SH3BGRL2: variants seen among roughly 807,000 people sequenced by gnomAD.
SH3BGRL2 encodes SH3 domain-binding glutamic acid-rich-like protein 2.
SH3BGRL2 carries 21 observed loss-of-function variants against 14.8 expected under a neutral mutation model. The ratio of observed to expected loss-of-function variants is 1.42; its 90% CI spans 1.01 to 2.05. SH3BGRL2 has a LOEUF of 2.05. SH3BGRL2 is among the 30% of genes most tolerant of loss of function. The pLI, the probability that SH3BGRL2 is intolerant of heterozygous loss-of-function variation, is 0.00. For missense variants in SH3BGRL2, 147 were observed against 130.8 expected (o/e 1.12, Z -0.61); for synonymous variants, 50 against 47.8 (o/e 1.05, Z -0.19).
At chr6:79,658,807 G>C (rs907900396) in intron 1 of SH3BGRL2, among the ~76,000 whole-genome samples, 2 of 152,156 alleles carry the variant, frequency 1.3e-5, no homozygotes, top group Non-Finnish European at 2.9e-5. Context: ...AGCATCAGTT[G>C]TTTCCTGACT....
chr6:79,604,504 CAGT>C, the SH3BGRL2 span, among the ~76,000 whole-genome samples: 3 of 152,196 alleles, frequency 2.0e-5, no homozygotes, highest in African/African-American at 4.8e-5. Flanking sequence ...GCTCAGGAAA[CAGT>C]GGTGGTTTCA....
the SH3BGRL2 span, among the ~76,000 whole-genome samples, chr6:79,587,707 A>G: frequency 2.0e-5 from 3 of 152,160 alleles, no homozygotes; most frequent in Non-Finnish European, 4.4e-5. Flanking sequence ...AAACTGACAA[A>G]AGATAAATTA....
the SH3BGRL2 span, among the ~76,000 whole-genome samples, chr6:79,573,169 T>C: frequency 5.9e-5 from 9 of 152,334 alleles, no homozygotes; most frequent in East Asian, 1.5e-3. Flanking sequence ...GCAGATTTTG[T>C]ACATCATGTG....
intron 2 of SH3BGRL2, among the ~76,000 whole-genome samples, chr6:79,678,876 T>C (rs1256937133): frequency 6.6e-6 from 1 of 152,186 alleles, no homozygotes; most frequent in Non-Finnish European, 1.5e-5. Context: ...AGCATTTGGT[T>C]TTCTGTTCCT....
chr6:79,696,456 G>T, intron 2 of SH3BGRL2, 29 bp from the exon 3 acceptor site: 2 of 1,484,998 alleles, frequency 1.3e-6, no homozygotes, highest in Admixed American at 2.2e-5. Flanking sequence ...GCTTTTGTTG[G>T]TTTATTTTCT....
At chr6:79,576,923 C>T in the SH3BGRL2 span, among the ~76,000 whole-genome samples, 4 of 152,146 alleles carry the variant, frequency 2.6e-5, no homozygotes, top group African/African-American at 9.7e-5. Flanking sequence ...AACGTTTTTA[C>T]GAATCATCCA....
At chr6:79,685,077 T>C (rs942634468) in intron 2 of SH3BGRL2, among the ~76,000 whole-genome samples, 2 of 152,236 alleles carry the variant, frequency 1.3e-5, no homozygotes, top group Non-Finnish European at 2.9e-5. Context: ...TTTATTCTTC[T>C]GTCTATAAAT....
intron 1 of SH3BGRL2, among the ~76,000 whole-genome samples, chr6:79,637,278 G>T (rs1410609797): frequency 6.6e-6 from 1 of 152,074 alleles, no homozygotes; most frequent in African/African-American, 2.4e-5. Flanking sequence ...ATATAATCAA[G>T]GATATGAACT....
chr6:79,683,300 T>C (rs1458026581), intron 2 of SH3BGRL2, among the ~76,000 whole-genome samples: 1 of 152,216 alleles, frequency 6.6e-6, no homozygotes, highest in Non-Finnish European at 1.5e-5. Context: ...TGGGACCTGC[T>C]TCAAAATCTG....
rs529019074 is a variant in SH3BGRL2 at position 79,659,321 on chromosome 6, G to A, written c.46-14293G>A. ...TCTTGAATTAATTTTTGTATAAGGT[G>A]TAAAGAAGGGATACAGTTTCAGCTT... On this transcript the variant is annotated intron_variant, in intron 1 of 3. Coordinates refer to ENST00000369838, the MANE Select transcript of SH3BGRL2 (RefSeq NM_031469.4). Among the ~76,000 whole-genome samples, 27 of 152,304 alleles carry A rather than the reference G, an allele frequency of 1.8e-4. No individual in the cohort carries two copies. The East Asian group carries it at 4.8e-3, about 27-fold the overall frequency.
At chr6:79,619,360 A>T in the SH3BGRL2 span, among the ~76,000 whole-genome samples, 1 of 152,060 alleles carries the variant, frequency 6.6e-6, no homozygotes, top group African/African-American at 2.4e-5. Flanking sequence ...TTAGCAATTT[A>T]TCCTGGAAAA....
intron 1 of SH3BGRL2, among the ~76,000 whole-genome samples, chr6:79,658,887 G>C (rs563647154): frequency 6.6e-6 from 1 of 152,178 alleles, no homozygotes; most frequent in Non-Finnish European, 1.5e-5. Flanking sequence ...TTTCTCTGAC[G>C]ACCAGTGATG....
intron 1 of SH3BGRL2, among the ~76,000 whole-genome samples, chr6:79,664,781 A>T (rs1489394170): frequency 6.6e-6 from 1 of 152,262 alleles, no homozygotes; most frequent in East Asian, 1.9e-4. Flanking sequence ...GAAAGATGTT[A>T]CATTAAAACA....
intron 2 of SH3BGRL2, among the ~76,000 whole-genome samples, chr6:79,676,302 T>A (rs922895488): frequency 1.3e-5 from 2 of 152,156 alleles, no homozygotes; most frequent in African/African-American, 2.4e-5. Flanking sequence ...TGTATTAATA[T>A]CTTCTAGCTC....
At chr6:79,676,709 C>T (rs1021835489) in intron 2 of SH3BGRL2, among the ~76,000 whole-genome samples, 3 of 151,024 alleles carry the variant, frequency 2.0e-5, no homozygotes, top group East Asian at 3.9e-4. Context: ...GAGGTAGAGA[C>T]GTCTTTGTTC....
At chr6:79,565,453 A>G in the SH3BGRL2 span, among the ~76,000 whole-genome samples, 2 of 152,300 alleles carry the variant, frequency 1.3e-5, no homozygotes, top group African/African-American at 2.4e-5. Flanking sequence ...TTAATAATAA[A>G]TGGAGTTGAT....
At chr6:79,547,608 G>A in the SH3BGRL2 span, among the ~76,000 whole-genome samples, 5 of 152,202 alleles carry the variant, frequency 3.3e-5, no homozygotes, top group East Asian at 3.9e-4. Flanking sequence ...ACATTAGTCC[G>A]TTCTGGCTTC....
chr6:79,652,412 G>A (rs1184128552), intron 1 of SH3BGRL2, among the ~76,000 whole-genome samples: 1 of 152,146 alleles, frequency 6.6e-6, no homozygotes, highest in East Asian at 1.9e-4. Context: ...TTAGTTTCTT[G>A]TTTTATAAAA....
At chr6:79,620,312 A>G in the SH3BGRL2 span, among the ~76,000 whole-genome samples, 3 of 148,612 alleles carry the variant, frequency 2.0e-5, no homozygotes. Context: ...AAATTTAAAG[A>G]TTTTTTTTTT....
Sources: allele counts gnomAD v4.1 joint callset (sites outside exome capture counted in the v4.1 genomes callset), GRCh38; gene constraint gnomAD v4.1.1; transcripts MANE v1.5; gene names NCBI Gene and HGNC (gene_info 2026-07-23, HGNC 2026-07-21).